The following GFPT1 variants were observed in gnomAD, a reference collection of about 807,000 sequenced individuals.
GFPT1 encodes glutamine--fructose-6-phosphate aminotransferase [isomerizing] 1.
GFPT1 carries 40 observed loss-of-function variants against 92.0 expected under a neutral mutation model. That is an observed-to-expected ratio of 0.43 (90% CI 0.34 to 0.57). The LOEUF (loss-of-function observed/expected upper bound fraction) is 0.57. GFPT1 is among the 20% of genes least tolerant of loss of function. The probability of loss-of-function intolerance (pLI) is 0.02; values close to 1 mark genes in which losing one functional copy is unlikely to be tolerated. For synonymous variants in GFPT1, 269 were observed against 280.6 expected, an observed-to-expected ratio of 0.96 and a Z score of 0.41; for missense variants, 448 against 869.1, an observed-to-expected ratio of 0.52 and a Z score of 6.09.
At position 69,324,829 on chromosome 2, in the gene GFPT1, G is replaced by C. The variant is rs930002177; in HGVS notation, c.*1360C>G. ...TAGCCCTGAAGATCTGGCCAGAAAA[G>C]CTCCATTAAGAAATTATTACTCACA... is the stretch of plus-strand genomic sequence containing the variant. On this transcript the variant is annotated 3_prime_UTR_variant, in exon 20 of 20. Transcript: ENST00000357308. 2.0e-5 allele frequency: 3 copies of C among 152,066 alleles called. No individual in the cohort carries two copies. Among genetic ancestry groups the C allele is most frequent in the African/African-American group, 7.2e-5 (3 of 41,416 alleles). The allele number at this position is 152,066 out of a possible 1,614,324, so 9.4% of individuals were successfully genotyped here.
rs1672151284 is a variant in GFPT1 at position 69,387,203 on chromosome 2, G to A, written c.-132C>T. On this transcript the variant is annotated 5_prime_UTR_variant, in exon 1 of 20. Transcript: ENST00000357308. Reference sequence around the variant, plus strand: ...GCCGACACGACTCCCTCGGGGATGCGACGGCCAAGGCAACGACAGCCTTCT... The same window carrying A: ...GCCGACACGACTCCCTCGGGGATGCAACGGCCAAGGCAACGACAGCCTTCT... 3.0e-6 allele frequency: 3 copies of A among 1,004,186 alleles called. No homozygotes were observed. The highest frequency in any genetic ancestry group is 3.4e-5 in the South Asian group (2 of 58,462). 62.2% of individuals were successfully genotyped at this position (1,004,186 alleles called of 1,614,324 possible). A position where few individuals can be genotyped will look rare whatever the true frequency, so the allele number is the denominator to read the frequency against.
At chr2:69,344,358 A>C (rs1044069815) in intron 12 of GFPT1, among the ~76,000 whole-genome samples, 1 of 152,158 alleles carries the variant, frequency 6.6e-6, no homozygotes, top group African/African-American at 2.4e-5. Context: ...ATAGTTCTGA[A>C]AGAAGCTGCC....
chr2:69,366,584 A>C (rs1671616896), intron 3 of GFPT1, among the ~76,000 whole-genome samples: 1 of 152,202 alleles, frequency 6.6e-6, no homozygotes, highest in South Asian at 2.1e-4. Context: ...TTATTCATTA[A>C]ACTGATAGCT....
intron 1 of GFPT1, among the ~76,000 whole-genome samples, chr2:69,378,488 T>A (rs1014648910): frequency 3.9e-5 from 6 of 152,204 alleles, no homozygotes; most frequent in African/African-American, 1.4e-4. Flanking sequence ...ATACTTGGAA[T>A]AAAATAACTC....
At chr2:69,387,027 C>G (rs1006617509) in intron 1 of GFPT1, 38 bp downstream of exon 1, 4 of 1,479,554 alleles carry the variant, frequency 2.7e-6, no homozygotes, top group Non-Finnish European at 3.7e-6. Flanking sequence ...CACCCCAGCG[C>G]CACCCGGCAA....
At chr2:69,359,486 G>T (rs903756646) in intron 4 of GFPT1, among the ~76,000 whole-genome samples, 160 bp from the exon 5 acceptor site, 1 of 152,102 alleles carries the variant, frequency 6.6e-6, no homozygotes, top group African/African-American at 2.4e-5. Flanking sequence ...TCATTTACCA[G>T]ATTATCATCA....
chr2:69,354,957 T>C (rs958354336), intron 7 of GFPT1, among the ~76,000 whole-genome samples: 5 of 152,154 alleles, frequency 3.3e-5, no homozygotes, highest in African/African-American at 1.2e-4. Flanking sequence ...TGAGCCAAGA[T>C]CGCGCCACTG....
In GFPT1 at chr2:69,356,377, T is replaced by G. The variant is rs1671338032; in HGVS notation, c.605+119A>C. 24 of 789,680 alleles carry G rather than the reference T, an allele frequency of 3.0e-5. No individual in the cohort carries two copies. In the South Asian group the frequency reaches 3.2e-4, roughly 11 times the overall value. 48.9% of individuals were successfully genotyped at this position (789,680 alleles called of 1,614,324 possible). A position where few individuals can be genotyped will look rare whatever the true frequency, so the allele number is the denominator to read the frequency against. ...AGGAAGATGTGAAAATATGCTCACA[T>G]GAATATATCTAATAAAGGGCAGAGC... On this transcript the variant is annotated intron_variant, in intron 7 of 19. Coordinates refer to ENST00000357308, the MANE Select transcript of GFPT1 (RefSeq NM_001244710.2).
At chr2:69,343,217 T>C (rs1394596845) in intron 12 of GFPT1, among the ~76,000 whole-genome samples, 1 of 152,212 alleles carries the variant, frequency 6.6e-6, no homozygotes, top group Non-Finnish European at 1.5e-5. Context: ...TCAACATTCA[T>C]TCAACTGGTC....
In GFPT1 at chr2:69,338,565, T is replaced by C; in HGVS notation, c.1204A>G (p.Thr402Ala). 1 of 1,614,022 alleles carries C rather than the reference T, an allele frequency of 6.2e-7. No individual in the cohort carries two copies. Among genetic ancestry groups the C allele is most frequent in the Non-Finnish European group, 8.5e-7 (1 of 1,179,860 alleles). ...GTCAGCTCCTCAAGAACTTGACGTG[T>C]CTGCAGAGAAAATATGACTTGGTCA... Reference protein sequence around the residue: ...CGTSYHAGVATRQVLEELTEL... With the variant: ...CGTSYHAGVAARQVLEELTEL... The change falls in exon 14 of 20, where the codon ACA becomes GCA. Residue 402 changes from threonine (T) to alanine (A), a missense_variant and splice_region_variant. This residue lies in a region of GFPT1 where 121 missense variants were observed against 304.3 expected (regional missense o/e 0.40). Coordinates refer to ENST00000357308, the MANE Select transcript of GFPT1 (RefSeq NM_001244710.2).
In GFPT1 at chr2:69,363,615, A is replaced by G; in HGVS notation, c.279T>C (p.His93=). ...IEFDVHLGIA[H]TRWATHGEPS... Reference sequence around the variant, plus strand: ...GTTCTCCATGTGTTGCCCAACGGGTATGAGCTATTCCAAGGTGTACATCAA... The same window carrying G: ...GTTCTCCATGTGTTGCCCAACGGGTGTGAGCTATTCCAAGGTGTACATCAA... Residue 93 remains histidine, a synonymous_variant, in exon 4 of 20, where the codon CAT becomes CAC. Coordinates refer to ENST00000357308, the MANE Select transcript of GFPT1 (RefSeq NM_001244710.2). The G allele has an allele frequency of 6.2e-7, 1 of 1,610,520 alleles. No individual in the cohort carries two copies. The highest frequency in any genetic ancestry group is 8.5e-7 in the Non-Finnish European group (1 of 1,176,648).
chr2:69,346,167 A>G (rs1016324716), intron 11 of GFPT1, among the ~76,000 whole-genome samples, 168 bp from the exon 12 acceptor site: 1 of 152,194 alleles, frequency 6.6e-6, no homozygotes, highest in Admixed American at 6.5e-5. Flanking sequence ...TACTCTGTGG[A>G]AAAAAATAAC....
chr2:69,375,975 G>A lies in GFPT1; in HGVS notation c.8-1862C>T, dbSNP rs536548901. Among the ~76,000 whole-genome samples, 6 of 152,314 alleles carry A rather than the reference G, an allele frequency of 3.9e-5. No homozygotes were observed. The South Asian group carries it at 1.2e-3, about 32-fold the overall frequency. On this transcript the variant is annotated intron_variant, in intron 1 of 19. Transcript: ENST00000357308. ...AGCAGAAGAGTCTCCAGACCAATCT[G>A]CACCCATTTAATTCAGAAGAATGAG...
chr2:69,385,437 C>T (rs1672108366), intron 1 of GFPT1, among the ~76,000 whole-genome samples: 1 of 151,968 alleles, frequency 6.6e-6, no homozygotes, highest in South Asian at 2.1e-4. Flanking sequence ...GTTGGCCAGG[C>T]TAGTCTTGAA....
chr2:69,347,297 T>C (rs1224247339), intron 11 of GFPT1, among the ~76,000 whole-genome samples: 1 of 151,494 alleles, frequency 6.6e-6, no homozygotes, highest in Admixed American at 6.6e-5. Flanking sequence ...GTGATCCTCC[T>C]ACCTTGGCCT....
chr2:69,339,267 A>T (rs1670877746), intron 13 of GFPT1, among the ~76,000 whole-genome samples: 1 of 152,180 alleles, frequency 6.6e-6, no homozygotes, highest in African/African-American at 2.4e-5. Context: ...GTACAAATAT[A>T]TAGAGAAAAA....
chr2:69,356,286 G>T (rs746226562), intron 7 of GFPT1, among the ~76,000 whole-genome samples: 3 of 152,010 alleles, frequency 2.0e-5, no homozygotes, highest in Non-Finnish European at 4.4e-5. Context: ...GAGCCACAGC[G>T]CCCGGCCTGT....
intron 9 of GFPT1, among the ~76,000 whole-genome samples, chr2:69,350,982 T>C (rs1003592747): frequency 1.3e-5 from 2 of 151,432 alleles, no homozygotes; most frequent in Non-Finnish European, 2.9e-5. Flanking sequence ...AAAACCTCAC[T>C]AGATTTTAGC....
At chr2:69,332,075 C>T (rs968776818) in intron 15 of GFPT1, among the ~76,000 whole-genome samples, 2 of 151,796 alleles carry the variant, frequency 1.3e-5, no homozygotes, top group African/African-American at 4.8e-5. Context: ...ATTTTTTTAA[C>T]ATTTTCCTTT....
Sources: gnomAD v4.1 joint callset for allele counts (sites outside exome capture counted in the v4.1 genomes callset) on GRCh38, gnomAD v4.1.1 for gene constraint, gnomAD v4.1.1 regional missense constraint, MANE v1.5 for transcripts, NCBI Gene and HGNC (gene_info 2026-07-23, HGNC 2026-07-21) for gene names.